Variants in MME observed in about 807,000 individuals in gnomAD.
MME encodes the protein membrane metalloendopeptidase, also known as neprilysin.
MME carries 98 observed loss-of-function variants against 113.2 expected under a neutral mutation model. That is an observed-to-expected ratio of 0.87 (90% CI 0.74 to 1.02). The LOEUF is 1.02. MME is among the 50% of genes least tolerant of loss of function. The pLI, the probability that MME is intolerant of heterozygous loss-of-function variation, is 0.00. For missense variants in MME, 836 were observed against 896.0 expected (o/e 0.93, Z 0.86); for synonymous variants, 292 against 300.6 (o/e 0.97, Z 0.30).
At chr3:155,094,114 AG>A (rs1298589821) in intron 3 of MME, among the ~76,000 whole-genome samples, 1 of 152,210 alleles carries the variant, frequency 6.6e-6, no homozygotes, top group Non-Finnish European at 1.5e-5. Flanking sequence ...GTGCAGGAGA[AG>A]GGCTGTTAAA....
At chr3:155,111,290 C>G (rs970624077) in intron 3 of MME, among the ~76,000 whole-genome samples, 1 of 152,164 alleles carries the variant, frequency 6.6e-6, no homozygotes, top group African/African-American at 2.4e-5. Context: ...AGTGCTAGCC[C>G]GTGACTTGCC....
chr3:155,089,389 A>G (rs1269075036), intron 3 of MME, among the ~76,000 whole-genome samples: 12 of 152,190 alleles, frequency 7.9e-5, no homozygotes. Context: ...TCTCAACTCA[A>G]TCACTATTGA....
chr3:155,142,442 T>A, intron 12 of MME, 112 bp downstream of exon 12: 1 of 845,796 alleles, frequency 1.2e-6, no homozygotes, highest in Non-Finnish European at 1.9e-6. Flanking sequence ...AGGGACAAAA[T>A]GCCAAAGTTC....
intron 1 of MME, 63 bp from the exon 2 acceptor site, chr3:155,084,095 G>A (rs777597280): frequency 7.6e-7 from 1 of 1,318,748 alleles, no homozygotes; most frequent in South Asian, 1.2e-5. Flanking sequence ...GCCACATTAA[G>A]CATTTGGACA....
chr3:155,024,860 A>G (rs1057285905), intron 1 of MME, among the ~76,000 whole-genome samples: 3 of 152,314 alleles, frequency 2.0e-5, no homozygotes, highest in South Asian at 2.1e-4. Context: ...GGTCCTGCCT[A>G]TGGTAGAATT....
intron 4 of MME, 39 bp from the exon 5 acceptor site, chr3:155,116,440 C>G: frequency 7.3e-7 from 1 of 1,369,524 alleles, no homozygotes; most frequent in Non-Finnish European, 1.0e-6. Flanking sequence ...TGCAAATGAG[C>G]AATTATGTTG....
intron 1 of MME, among the ~76,000 whole-genome samples, chr3:155,036,637 G>A (rs886760238): frequency 3.3e-5 from 5 of 151,984 alleles, no homozygotes; most frequent in Non-Finnish European, 7.4e-5. Flanking sequence ...TTATTGAGTT[G>A]TAAGAGTTCT....
chr3:155,129,750 A>G (rs1035384958), intron 8 of MME, among the ~76,000 whole-genome samples: 1 of 152,194 alleles, frequency 6.6e-6, no homozygotes, highest in African/African-American at 2.4e-5. Flanking sequence ...TATCTCAAAG[A>G]ACAGAAGTAG....
chr3:155,144,840 A>T (rs1721386025), intron 14 of MME, among the ~76,000 whole-genome samples: 1 of 152,120 alleles, frequency 6.6e-6, no homozygotes, highest in African/African-American at 2.4e-5. Context: ...TAGGTCTAAG[A>T]TTTCTCAGGA....
intron 1 of MME, among the ~76,000 whole-genome samples, chr3:155,031,380 T>C (rs776918954): frequency 1.3e-5 from 2 of 151,950 alleles, no homozygotes; most frequent in Non-Finnish European, 2.9e-5. Flanking sequence ...AATTGTGCAA[T>C]ATGGAATTCC....
chr3:155,142,395 T>C (rs1255367129), intron 12 of MME, 65 bp downstream of exon 12: 2 of 1,304,258 alleles, frequency 1.5e-6, no homozygotes, highest in Non-Finnish European at 2.2e-6. Flanking sequence ...TATGAAGGCT[T>C]ACCATGTACA....
intron 17 of MME, among the ~76,000 whole-genome samples, chr3:155,164,800 AC>A (rs1270193085): frequency 6.6e-6 from 1 of 152,200 alleles, no homozygotes; most frequent in East Asian, 1.9e-4. Flanking sequence ...GTGAGGTATA[AC>A]TTTCATAAAA....
At chr3:155,026,945 TC>T (rs1712806428) in intron 1 of MME, among the ~76,000 whole-genome samples, 1 of 152,182 alleles carries the variant, frequency 6.6e-6, no homozygotes, top group African/African-American at 2.4e-5. Flanking sequence ...ATTCTGTCTA[TC>T]TACTCAGACA....
intron 3 of MME, among the ~76,000 whole-genome samples, chr3:155,088,940 A>C (rs1716034214): frequency 6.6e-6 from 1 of 152,168 alleles, no homozygotes; most frequent in South Asian, 2.1e-4. Context: ...GATTCTTTGA[A>C]GTCAAGGAAT....
rs978354507 is a variant in MME at position 155,084,219 on chromosome 3, C to A, written c.52C>A (p.Pro18Thr). 1 of 1,613,982 alleles carries A rather than the reference C, an allele frequency of 6.2e-7. No homozygotes were observed. The highest frequency in any genetic ancestry group is 1.3e-5 in the African/African-American group (1 of 74,906). Residue 18 changes from proline to threonine, a missense_variant, in exon 2 of 23, where the codon CCA (proline) becomes ACA (threonine). Coordinates refer to ENST00000360490, the MANE Select transcript of MME (RefSeq NM_007289.4). ...MDITDINTPK[P>T]KKKQRWTPLE... is the part of the protein sequence containing the mutation. ...TATAACTGATATCAACACTCCAAAGCCAAAGAAGAAACAGCGATGGACTCC... is the reference window on the plus strand; with the variant it reads ...TATAACTGATATCAACACTCCAAAGACAAAGAAGAAACAGCGATGGACTCC...
At position 155,138,272 on chromosome 3, in the gene MME, T is replaced by A. The variant is rs760659511; in HGVS notation, c.855+36T>A. ...TTTTTTTTTCTGATACACTGAATAATGTCAACCGCTTTTTTTCTTTCCCCT... is the reference window on the plus strand; with the variant it reads ...TTTTTTTTTCTGATACACTGAATAAAGTCAACCGCTTTTTTTCTTTCCCCT... On this transcript the variant is annotated intron_variant, in intron 9 of 22. Transcript: ENST00000360490. 2.5e-6 allele frequency: 4 copies of A among 1,603,652 alleles called. No individual in the cohort carries two copies. In the East Asian group the frequency reaches 8.9e-5, roughly 36 times the overall value.
chr3:155,053,219 T>G (rs1048807893), intron 1 of MME, among the ~76,000 whole-genome samples: 1 of 152,218 alleles, frequency 6.6e-6, no homozygotes, highest in Non-Finnish European at 1.5e-5. Context: ...AAGTCACTTC[T>G]GAATTTTTGG....
At chr3:155,091,530 G>A (rs1315524599) in intron 3 of MME, among the ~76,000 whole-genome samples, 1 of 152,088 alleles carries the variant, frequency 6.6e-6, no homozygotes, top group Non-Finnish European at 1.5e-5. Flanking sequence ...TAGAGGGGGT[G>A]GATACAAACT....
chr3:155,040,459 A>C (rs918914621), intron 1 of MME, among the ~76,000 whole-genome samples: 30 of 152,120 alleles, frequency 2.0e-4, no homozygotes, highest in Non-Finnish European at 4.0e-4. Context: ...ATATGTTTAC[A>C]TATATATACA....
Sources: gnomAD v4.1 joint callset for allele counts (sites outside exome capture counted in the v4.1 genomes callset) on GRCh38, gnomAD v4.1.1 for gene constraint, MANE v1.5 for transcripts, NCBI Gene and HGNC (gene_info 2026-07-23, HGNC 2026-07-21) for gene names.